SPAG9: variants seen among roughly 807,000 people sequenced by gnomAD.
SPAG9 encodes sperm associated antigen 9, also known as C-Jun-amino-terminal kinase-interacting protein 4.
Under a neutral mutation model 166.5 loss-of-function variants are expected in SPAG9, and 35 were observed. The observed-to-expected ratio is 0.21, with a 90% CI of 0.16 to 0.28. SPAG9 has a LOEUF of 0.28. Among genes scored for constraint, SPAG9 ranks in the 10% least tolerant of loss-of-function variants. The pLI is 1.00. For synonymous variants in SPAG9, 534 were observed against 565.5 expected, an observed-to-expected ratio of 0.94 and a Z score of 0.79; for missense variants, 1,235 against 1,603.3, an observed-to-expected ratio of 0.77 and a Z score of 3.92.
At position 51,031,900 on chromosome 17, in the gene SPAG9, T is replaced by TAG. The variant is rs761000008; in HGVS notation, c.742-180_742-179dup. ...TTGACTTAAGCTGACCTTAACACTCTAGTTTAAGTAATATCATGGTTCAGA... is the reference window on the plus strand; with the variant it reads ...TTGACTTAAGCTGACCTTAACACTCTAGAGTTTAAGTAATATCATGGTTCAGA... On this transcript the variant is annotated intron_variant, in intron 5 of 29. Transcript: ENST00000262013. 1.3e-5 allele frequency: 9 copies of TAG among 685,874 alleles called. No homozygotes were observed. In the South Asian group the frequency reaches 1.4e-4, roughly 10 times the overall value. 42.5% of individuals were successfully genotyped at this position (685,874 alleles called of 1,614,324 possible).
chr17:51,103,344 T>G (rs1326397430), intron 1 of SPAG9, among the ~76,000 whole-genome samples: 2 of 152,168 alleles, frequency 1.3e-5, no homozygotes, highest in East Asian at 3.8e-4. Context: ...GCAAGAGGAC[T>G]GTAAGCTGTG....
intron 9 of SPAG9, among the ~76,000 whole-genome samples, chr17:51,010,244 T>C (rs2045411427): frequency 6.6e-6 from 1 of 152,136 alleles, no homozygotes; most frequent in Non-Finnish European, 1.5e-5. Context: ...TCTTACAAAT[T>C]CACCTGTGAA....
intron 5 of SPAG9, among the ~76,000 whole-genome samples, chr17:51,035,370 A>T (rs896394343): frequency 6.6e-5 from 10 of 152,188 alleles, no homozygotes; most frequent in Non-Finnish European, 1.5e-5. Flanking sequence ...ACTTTTCTGT[A>T]AGTCTAAAAT....
At chr17:51,061,126 G>GT (rs1011419981) in intron 2 of SPAG9, among the ~76,000 whole-genome samples, 2 of 101,670 alleles carry the variant, frequency 2.0e-5, no homozygotes, top group African/African-American at 7.6e-5. Flanking sequence ...GATTACAGGC[G>GT]TAAGCCACCG....
At chr17:51,009,156 C>A in intron 9 of SPAG9, 2 of 451,566 alleles carry the variant, frequency 4.4e-6, no homozygotes, top group Non-Finnish European at 4.4e-6. Context: ...CGTAAGCAGC[C>A]CAAGAGAAAA....
In SPAG9 at chr17:51,062,842, C is replaced by T. The variant is rs560766560; in HGVS notation, c.425-6360G>A. ...TGACCTCAGGAGATCCACCTGCCTC[C>T]GCCTCTCAAAGTGCTGGGATTACAG... is the stretch of plus-strand genomic sequence containing the variant. On this transcript the variant is annotated intron_variant, in intron 2 of 29. Transcript: ENST00000262013. Among the ~76,000 whole-genome samples, 10 of 152,124 alleles carry T rather than the reference C, an allele frequency of 6.6e-5. No individual in the cohort carries two copies. The East Asian group carries it at 1.7e-3, about 27-fold the overall frequency.
intron 1 of SPAG9, among the ~76,000 whole-genome samples, chr17:51,097,541 C>T (rs2048680026): frequency 1.3e-5 from 2 of 151,998 alleles, no homozygotes; most frequent in Non-Finnish European, 2.9e-5. Context: ...ATGGTATCTA[C>T]ATTATATACA....
rs548851026 is a variant in SPAG9, at chr17:51,099,775, A to C, written c.304-20071T>G. 2.0e-3 allele frequency among the ~76,000 whole-genome samples: 303 copies of C among 150,094 alleles called. 2 individuals are homozygous for C. The highest frequency in any genetic ancestry group is 6.8e-3 in the African/African-American group (282 of 41,170). ...TTCTATTACTAAAAAAAAAAAAAAA[A>C]AAAAAAAAAAAAAACTAGAAATTGT... is the stretch of plus-strand genomic sequence containing the variant. On this transcript the variant is annotated intron_variant, in intron 1 of 29. Transcript: ENST00000262013.
intron 2 of SPAG9, 47 bp from the exon 3 acceptor site, chr17:51,056,529 A>C: frequency 7.9e-7 from 1 of 1,267,600 alleles, no homozygotes; most frequent in South Asian, 1.2e-5. Flanking sequence ...TAAGAAATTT[A>C]CTTGAAAAAG....
At chr17:51,078,402 C>A (rs957921711) in intron 2 of SPAG9, among the ~76,000 whole-genome samples, 1 of 152,158 alleles carries the variant, frequency 6.6e-6, no homozygotes, top group Non-Finnish European at 1.5e-5. Context: ...CTCACACACG[C>A]CCCAAGAGTG....
At chr17:51,097,438 C>T (rs1187308974) in intron 1 of SPAG9, among the ~76,000 whole-genome samples, 2 of 151,936 alleles carry the variant, frequency 1.3e-5, no homozygotes, top group African/African-American at 4.8e-5. Flanking sequence ...CCCAGTGATT[C>T]GGAGGCTGAG....
At chr17:50,994,145 G>C (rs1384984936) in intron 18 of SPAG9, among the ~76,000 whole-genome samples, 1 of 152,204 alleles carries the variant, frequency 6.6e-6, no homozygotes, top group Non-Finnish European at 1.5e-5. Flanking sequence ...CATGTTGTGA[G>C]AGGGACCCAG....
chr17:50,971,730 G>A (rs1004513896), intron 28 of SPAG9, among the ~76,000 whole-genome samples: 2 of 151,900 alleles, frequency 1.3e-5, no homozygotes, highest in Non-Finnish European at 2.9e-5. Context: ...AAAGTGCTGG[G>A]AATACAGGCA....
At chr17:51,068,702 T>C (rs1169226653) in intron 2 of SPAG9, among the ~76,000 whole-genome samples, 1 of 152,234 alleles carries the variant, frequency 6.6e-6, no homozygotes, top group African/African-American at 2.4e-5. Flanking sequence ...CATCCCTTTA[T>C]ATGTTTGAAA....
Position 51,081,913 on chromosome 17 carries a change from T to G in SPAG9, c.304-2209A>C, listed in dbSNP as rs377032674. ...CCTCTTCTCCTTCCCATTCTCTGAT[T>G]CAAGCATCCATGCAGTTCCTCAAAC... On this transcript the variant is annotated intron_variant, in intron 1 of 29. Coordinates refer to ENST00000262013, the MANE Select transcript of SPAG9 (RefSeq NM_001130528.3). 1.1e-4 allele frequency among the ~76,000 whole-genome samples: 17 copies of G among 152,266 alleles called. No individual in the cohort carries two copies. In the East Asian group the frequency reaches 3.3e-3, roughly 29 times the overall value.
chr17:51,063,107 A>G (rs1186145945), intron 2 of SPAG9, among the ~76,000 whole-genome samples: 1 of 152,134 alleles, frequency 6.6e-6, no homozygotes, highest in Non-Finnish European at 1.5e-5. Flanking sequence ...TTACTGTTAC[A>G]TATTAGAAAC....
chr17:50,984,424 C>T (rs112269385), intron 24 of SPAG9, among the ~76,000 whole-genome samples: 36,718 of 152,104 alleles, frequency 0.24, 5,273 homozygotes, highest in Admixed American at 0.34. Context: ...CGGTGGCTCA[C>T]GCCTGTAATC....
chr17:51,013,329 T>C (rs1555639850), intron 9 of SPAG9, among the ~76,000 whole-genome samples: 1 of 152,194 alleles, frequency 6.6e-6, no homozygotes, highest in Non-Finnish European at 1.5e-5. Context: ...AACTAATTCA[T>C]AGGAGCCAGA....
intron 1 of SPAG9, among the ~76,000 whole-genome samples, chr17:51,110,313 A>G (rs765077775): frequency 6.6e-6 from 1 of 151,466 alleles, no homozygotes; most frequent in African/African-American, 2.4e-5. Context: ...CCATTTTTCT[A>G]TATGTTTGAA....
Sources: allele counts gnomAD v4.1 joint callset (sites outside exome capture counted in the v4.1 genomes callset), GRCh38; gene constraint gnomAD v4.1.1; transcripts MANE v1.5; gene names NCBI Gene and HGNC (gene_info 2026-07-23, HGNC 2026-07-21).